Variants in RHOXF1 observed in about 807,000 individuals in gnomAD.
The protein encoded by RHOXF1 is PEPP subfamily gene 1.
RHOXF1 carries 1 observed loss-of-function variant against 9.7 expected under a neutral mutation model. That is an observed-to-expected ratio of 0.10 (90% CI 0.04 to 0.49). The LOEUF (loss-of-function observed/expected upper bound fraction) is 0.49, where lower values mean the gene tolerates loss of function less well. RHOXF1 is among the 20% of genes least tolerant of loss of function. The pLI is 0.95. For synonymous variants in RHOXF1, 72 were observed against 70.2 expected (o/e 1.03, Z -0.13); for missense variants, 179 against 168.0 (o/e 1.07, Z -0.36).
rs181534665 is a variant in RHOXF1, at chrX:120,113,799, T to C, written c.399-885A>G. The stretch of plus-strand genomic sequence containing the variant: ...TAATAAATAACAATTAATGCAAAAA[T>C]CTGTGATGAGGACCAGGCACTGTGG... On this transcript the variant is annotated intron_variant, in intron 1 of 2. Coordinates refer to ENST00000217999, the MANE Select transcript of RHOXF1 (RefSeq NM_139282.3). Among the ~76,000 whole-genome samples the C allele has an allele frequency of 5.8e-3, 622 of 107,443 alleles. 6 individuals carry two copies. Among genetic ancestry groups the C allele is most frequent in the Middle Eastern group, 0.024 (5 of 210 alleles). The allele number at this position is 107,443 out of a possible 115,157, so 93.3% of individuals were successfully genotyped here.
intron 1 of RHOXF1, among the ~76,000 whole-genome samples, chrX:120,113,719 A>G (rs1440414594): frequency 1.8e-5 from 2 of 108,804 alleles, no homozygotes; most frequent in Non-Finnish European, 3.8e-5. Context: ...TTGGCCTCCC[A>G]AAAGCGCTGG....
chrX:120,114,461 C>G (rs2057284527), intron 1 of RHOXF1, among the ~76,000 whole-genome samples: 1 of 110,864 alleles, frequency 9.0e-6, no homozygotes, highest in Non-Finnish European at 1.9e-5. Context: ...TTCTGTATAT[C>G]AAAAGATGCA....
chrX:120,115,876 C>A lies in RHOXF1; in HGVS notation c.-14G>T, dbSNP rs782319708. 8.7e-7 allele frequency: 1 copy of A among 1,151,790 alleles called. No homozygotes were observed. Among genetic ancestry groups the A allele is most frequent in the Non-Finnish European group, 1.1e-6 (1 of 871,736 alleles). The allele number at this position is 1,151,790 out of a possible 1,213,427, so 94.9% of individuals were successfully genotyped here. A position where few individuals can be genotyped will look rare whatever the true frequency, so the allele number is the denominator to read the frequency against. ...CGAACGCGCCATGGCTGGAGCGCTG[C>A]GCCCCTGCACAAACTCCGTGGCGTC... On this transcript the variant is annotated 5_prime_UTR_variant, in exon 1 of 3. Coordinates refer to ENST00000217999, the MANE Select transcript of RHOXF1 (RefSeq NM_139282.3).
In RHOXF1 at chrX:120,109,448, A is replaced by G. The variant is rs532514505; in HGVS notation, c.445-146T>C. 158 of 391,380 alleles carry G rather than the reference A, an allele frequency of 4.0e-4. 1 individual carries two copies. The South Asian group carries it at 8.9e-3, about 22-fold the overall frequency. 32.3% of individuals were successfully genotyped at this position (391,380 alleles called of 1,213,427 possible). A position where few individuals can be genotyped will look rare whatever the true frequency, so the allele number is the denominator to read the frequency against. Reference sequence around the variant, plus strand: ...TTCCTCATTGCTAAAATACCTTAGGAAAGTTAACAACATAGCCCGTGGCCC... The same window carrying G: ...TTCCTCATTGCTAAAATACCTTAGGGAAGTTAACAACATAGCCCGTGGCCC... On this transcript the variant is annotated intron_variant, in intron 2 of 2. Coordinates refer to ENST00000217999, the MANE Select transcript of RHOXF1 (RefSeq NM_139282.3).
At chrX:120,111,429 C>T (rs2057264616) in intron 2 of RHOXF1, among the ~76,000 whole-genome samples, 1 of 111,857 alleles carries the variant, frequency 8.9e-6, no homozygotes, top group Non-Finnish European at 1.9e-5. Flanking sequence ...CTCACACATG[C>T]ACTCTGCATA....
intron 2 of RHOXF1, among the ~76,000 whole-genome samples, chrX:120,112,375 C>T (rs868979741): frequency 3.1e-5 from 3 of 96,316 alleles, no homozygotes; most frequent in African/African-American, 1.1e-4. Context: ...TTATTGGATA[C>T]ATACATATAT....
chrX:120,117,093 G>T (rs1569313245), upstream of RHOXF1, among the ~76,000 whole-genome samples: 1 of 109,490 alleles, frequency 9.1e-6, no homozygotes, highest in South Asian at 4.1e-4. Context: ...GCCCAATTAC[G>T]AAGAAAAACC....
At chrX:120,113,490 G>A (rs1416411881) in intron 1 of RHOXF1, among the ~76,000 whole-genome samples, 1 of 109,697 alleles carries the variant, frequency 9.1e-6, no homozygotes, top group Non-Finnish European at 1.9e-5. Context: ...GGGTCTCACT[G>A]TCGTCTATGT....
chrX:120,114,915 C>T (rs781828819), intron 1 of RHOXF1, among the ~76,000 whole-genome samples: 50 of 112,003 alleles, frequency 4.5e-4, no homozygotes, highest in African/African-American at 1.2e-3. Context: ...ATATATGCTG[C>T]GATATGGATG....
chrX:120,115,652 C>T lies in RHOXF1; in HGVS notation c.211G>A (p.Gly71Ser), dbSNP rs1454758659. Residue 71 changes from glycine to serine, a missense_variant, in exon 1 of 3, where the codon GGC becomes AGC. Physicochemically the swap from Gly to Ser is moderately conservative, Grantham distance 56. Transcript: ENST00000217999. ...NRDGGMIPEGGGGNQEPRQQP... is the reference protein window; with the variant it reads ...NRDGGMIPEGSGGNQEPRQQP... ...TGCCGAGGCTCCTGGTTTCCACCGCCGCCCTCGGGGATCATGCCGCCATCG... is the reference window on the plus strand; with the variant it reads ...TGCCGAGGCTCCTGGTTTCCACCGCTGCCCTCGGGGATCATGCCGCCATCG... 1.7e-6 allele frequency: 2 copies of T among 1,189,529 alleles called. No homozygotes were observed. The highest frequency in any genetic ancestry group is 4.6e-5 in the Admixed American group (2 of 43,831).
In RHOXF1 at chrX:120,115,840, T is replaced by C; in HGVS notation, c.23A>G (p.Asp8Gly). The stretch of plus-strand genomic sequence containing the variant: ...TACACTCAGGCAGTAGAACACGGTG[T>C]CGTGGACGAGCGAACGCGCCATGGC... MARSLVH[D>G]TVFYCLSVYQ... Residue 8 changes from aspartate to glycine, a missense_variant, in exon 1 of 3, where the codon GAC becomes GGC. Physicochemically the swap from Asp to Gly is moderately conservative, Grantham distance 94. Coordinates refer to ENST00000217999, the MANE Select transcript of RHOXF1 (RefSeq NM_139282.3). 1 of 1,184,540 alleles carries C rather than the reference T, an allele frequency of 8.4e-7. No individual in the cohort carries two copies. Among genetic ancestry groups the C allele is most frequent in the Non-Finnish European group, 1.1e-6 (1 of 886,681 alleles).
Position 120,115,462 on chromosome X carries a change from T to C in RHOXF1, c.398+3A>G. 3 of 1,095,485 alleles carry C rather than the reference T, an allele frequency of 2.7e-6. No individual in the cohort carries two copies. Among genetic ancestry groups the C allele is most frequent in the African/African-American group, 1.9e-5 (1 of 53,542 alleles). The allele number at this position is 1,095,485 out of a possible 1,213,427, so 90.3% of individuals were successfully genotyped here. A position where few individuals can be genotyped will look rare whatever the true frequency, so the allele number is the denominator to read the frequency against. On this transcript the variant is annotated splice_donor_region_variant and intron_variant, in intron 1 of 2. Coordinates refer to ENST00000217999, the MANE Select transcript of RHOXF1 (RefSeq NM_139282.3). ...CTCGTGGCTCCTGGAGCAGGCCACTTACCTTGTGGGCACATCAGGGTATTG... is the reference window on the plus strand; with the variant it reads ...CTCGTGGCTCCTGGAGCAGGCCACTCACCTTGTGGGCACATCAGGGTATTG...
At chrX:120,117,790 T>C (rs1569313408), upstream of RHOXF1, 1 of 111,549 alleles carries the variant, frequency 9.0e-6, no homozygotes, top group Non-Finnish European at 1.9e-5. Flanking sequence ...AAATGTACAT[T>C]GTGGGGAGCA....
In RHOXF1 at chrX:120,109,160, A is replaced by T; in HGVS notation, c.*32T>A. The stretch of plus-strand genomic sequence containing the variant: ...TGGCACCAGAAAAACCCATCTCCAA[A>T]CTAGCTCCTGAAGAAGGATGGCATT... On this transcript the variant is annotated 3_prime_UTR_variant, in exon 3 of 3. Coordinates refer to ENST00000217999, the MANE Select transcript of RHOXF1 (RefSeq NM_139282.3). 1 of 1,024,542 alleles carries T rather than the reference A, an allele frequency of 9.8e-7. No homozygotes were observed. The highest frequency in any genetic ancestry group is 2.2e-5 in the South Asian group (1 of 45,998). The allele number at this position is 1,024,542 out of a possible 1,213,427, so 84.4% of individuals were successfully genotyped here. A position where few individuals can be genotyped will look rare whatever the true frequency, so the allele number is the denominator to read the frequency against.
upstream of RHOXF1, chrX:120,120,362 A>G (rs782348742): frequency 1.0e-3 from 115 of 112,005 alleles, no homozygotes; most frequent in African/African-American, 3.5e-3. Flanking sequence ...GGAGCACAGC[A>G]GAGGATGCAA....
At chrX:120,112,200 G>A (rs1432451449) in intron 2 of RHOXF1, among the ~76,000 whole-genome samples, 1 of 109,654 alleles carries the variant, frequency 9.1e-6, no homozygotes, top group Non-Finnish European at 1.9e-5. Context: ...ATTTAGCTAA[G>A]TGTTTATGCC....
intron 2 of RHOXF1, 41 bp downstream of exon 2, chrX:120,112,828 G>A (rs782037464): frequency 1.9e-6 from 2 of 1,053,268 alleles, no homozygotes; most frequent in Non-Finnish European, 2.6e-6. Context: ...GCAGGTTTTA[G>A]AATGGCTGTC....
chrX:120,117,520 T>G (rs994181920), upstream of RHOXF1: 2 of 111,461 alleles, frequency 1.8e-5, no homozygotes, highest in Non-Finnish European at 1.9e-5. Context: ...TATTTGAGGT[T>G]TTTTTGGCAG....
intron 1 of RHOXF1, among the ~76,000 whole-genome samples, chrX:120,114,640 TAA>T (rs1332495438): frequency 1.8e-5 from 2 of 111,134 alleles, no homozygotes; most frequent in Non-Finnish European, 3.8e-5. Context: ...GTAAAGGACT[TAA>T]AGAGATATTT....
Sources: gnomAD v4.1 joint callset for allele counts (sites outside exome capture counted in the v4.1 genomes callset) on GRCh38, gnomAD v4.1.1 for gene constraint, MANE v1.5 for transcripts, NCBI Gene and HGNC (gene_info 2026-07-23, HGNC 2026-07-21) for gene names.